Variants in RFX3 observed in about 807,000 individuals in gnomAD.
The protein encoded by RFX3 is regulatory factor X3.
A neutral mutation model predicts 98.6 loss-of-function variants in RFX3; 14 were observed. The ratio of observed to expected loss-of-function variants is 0.14; its 90% CI spans 0.09 to 0.22. The LOEUF is 0.22. RFX3 is among the 10% of genes least tolerant of loss of function. RFX3 has a pLI of 1.00. For synonymous variants in RFX3, 383 were observed against 328.4 expected, an observed-to-expected ratio of 1.17 and a Z score of -1.80; for missense variants, 639 against 926.9, an observed-to-expected ratio of 0.69 and a Z score of 4.03.
At chr9:3,454,926 AGTCTCCCGCCCCTAAATGTATCTTCATT>A (rs1847010322) in intron 1 of RFX3, among the ~76,000 whole-genome samples, 1 of 152,160 alleles carries the variant, frequency 6.6e-6, no homozygotes, top group Non-Finnish European at 1.5e-5. Context: ...CTCATACCCA[AGTCTCCCGCCCCTAAATGTATCTTCATT>A]GTCTCCCACC....
chr9:3,233,114 A>C (rs1818696681), intron 15 of RFX3, among the ~76,000 whole-genome samples: 1 of 152,204 alleles, frequency 6.6e-6, no homozygotes, highest in Admixed American at 6.5e-5. Context: ...AAAATAACGA[A>C]CACCTCACTG....
chr9:3,325,292 A>T (rs1247802975), intron 4 of RFX3, among the ~76,000 whole-genome samples: 1 of 152,158 alleles, frequency 6.6e-6, no homozygotes, highest in Admixed American at 6.5e-5. Context: ...AAAAGCACTC[A>T]TAATTCTTAA....
At chr9:3,407,803 TGTCTA>T (rs1842095771) in intron 1 of RFX3, among the ~76,000 whole-genome samples, 1 of 152,196 alleles carries the variant, frequency 6.6e-6, no homozygotes, top group African/African-American at 2.4e-5. Context: ...ACAAGCTGAC[TGTCTA>T]TTCTGTAGAT....
chr9:3,356,090 T>G (rs543862765), intron 2 of RFX3, among the ~76,000 whole-genome samples: 5 of 147,800 alleles, frequency 3.4e-5, no homozygotes, highest in Non-Finnish European at 4.5e-5. Context: ...GAAAAAAATC[T>G]AAGGCAATAA....
intron 1 of RFX3, among the ~76,000 whole-genome samples, chr9:3,443,059 T>C (rs1845737710): frequency 6.6e-6 from 1 of 151,976 alleles, no homozygotes; most frequent in South Asian, 2.1e-4. Context: ...AGCAAAAGAT[T>C]TGGACAGTCA....
At chr9:3,257,682 A>C (rs1384791245) in intron 13 of RFX3, among the ~76,000 whole-genome samples, 1 of 152,250 alleles carries the variant, frequency 6.6e-6, no homozygotes, top group Non-Finnish European at 1.5e-5. Context: ...GGTCCCCTCA[A>C]GATTAAAACA....
intron 1 of RFX3, among the ~76,000 whole-genome samples, chr9:3,507,665 G>A (rs1331822751): frequency 6.6e-6 from 1 of 151,838 alleles, no homozygotes; most frequent in East Asian, 1.9e-4. Context: ...ATATAAAATA[G>A]CATAGTATTT....
At chr9:3,311,532 G>A (rs538113532) in intron 4 of RFX3, among the ~76,000 whole-genome samples, 24 of 152,208 alleles carry the variant, frequency 1.6e-4, no homozygotes, top group African/African-American at 4.1e-4. Flanking sequence ...CTAAAATTGC[G>A]GTTGTTCAAA....
chr9:3,282,937 T>G (rs1415630173), intron 7 of RFX3, among the ~76,000 whole-genome samples: 1 of 151,782 alleles, frequency 6.6e-6, no homozygotes, highest in African/African-American at 2.4e-5. Context: ...GCATGTAATG[T>G]GTTTACTGAA....
At chr9:3,340,954 C>A (rs1173096632) in intron 3 of RFX3, among the ~76,000 whole-genome samples, 1 of 152,176 alleles carries the variant, frequency 6.6e-6, no homozygotes, top group Non-Finnish European at 1.5e-5. Flanking sequence ...CACATGCACA[C>A]ATATGTTTAT....
At chr9:3,362,881 T>C (rs1041943459) in intron 2 of RFX3, among the ~76,000 whole-genome samples, 4 of 152,168 alleles carry the variant, frequency 2.6e-5, no homozygotes, top group African/African-American at 9.7e-5. Flanking sequence ...AGGGGGAGTG[T>C]GTCTGGGAGC....
chr9:3,383,206 C>G (rs1454884108), intron 2 of RFX3, among the ~76,000 whole-genome samples: 1 of 151,910 alleles, frequency 6.6e-6, no homozygotes, highest in Non-Finnish European at 1.5e-5. Flanking sequence ...TACTTAGAGT[C>G]TGAGTTTAGG....
chr9:3,286,098 T>C (rs1228521750), intron 7 of RFX3, among the ~76,000 whole-genome samples: 1 of 151,898 alleles, frequency 6.6e-6, no homozygotes, highest in Non-Finnish European at 1.5e-5. Flanking sequence ...TTATTCATAC[T>C]TAAGTTTGAG....
In RFX3 at chr9:3,517,300, A is replaced by AT. The variant is rs537006117; in HGVS notation, c.-9+8446_-9+8447insA. On this transcript the variant is annotated intron_variant, in intron 1 of 16. Transcript: ENST00000617270. Reference sequence around the variant, plus strand: ...GTTTTACAGTTAGAAATAGAGTGAGAACCTTTATTTTCTCTTTAACCTCCT... The same window carrying AT: ...GTTTTACAGTTAGAAATAGAGTGAGATACCTTTATTTTCTCTTTAACCTCCT... 7.9e-5 allele frequency among the ~76,000 whole-genome samples: 12 copies of AT among 152,278 alleles called. No homozygotes were observed. The East Asian group carries it at 2.3e-3, about 29-fold the overall frequency.
At chr9:3,335,582 T>C (rs1833080502) in intron 3 of RFX3, among the ~76,000 whole-genome samples, 2 of 152,162 alleles carry the variant, frequency 1.3e-5, no homozygotes, top group African/African-American at 2.4e-5. Flanking sequence ...CCCCAAGCAA[T>C]TCTGTGCACA....
At chr9:3,250,812 A>T (rs1461217802) in intron 14 of RFX3, among the ~76,000 whole-genome samples, 1 of 152,116 alleles carries the variant, frequency 6.6e-6, no homozygotes, top group Non-Finnish European at 1.5e-5. Flanking sequence ...TTATAATATA[A>T]TCGTTAAGTT....
chr9:3,275,735 C>A, intron 8 of RFX3, 123 bp from the exon 9 acceptor site: 1 of 539,042 alleles, frequency 1.9e-6, no homozygotes, highest in Non-Finnish European at 3.3e-6. Context: ...GTCCAGAGAG[C>A]AAGGACATTT....
intron 1 of RFX3, among the ~76,000 whole-genome samples, chr9:3,460,774 T>G (rs1174893880): frequency 6.7e-6 from 1 of 148,542 alleles, no homozygotes; most frequent in Non-Finnish European, 1.5e-5. Flanking sequence ...TTCAAAACAC[T>G]GTACTATTTT....
chr9:3,284,645 A>T (rs930378960), intron 7 of RFX3, among the ~76,000 whole-genome samples: 5 of 151,754 alleles, frequency 3.3e-5, no homozygotes, highest in Non-Finnish European at 7.4e-5. Flanking sequence ...GCCTAGGTCC[A>T]TTTGCCCCTC....
Sources: gnomAD v4.1 joint callset for allele counts (sites outside exome capture counted in the v4.1 genomes callset) on GRCh38, gnomAD v4.1.1 for gene constraint, MANE v1.5 for transcripts, NCBI Gene and HGNC (gene_info 2026-07-23, HGNC 2026-07-21) for gene names.